NINL: variants seen among roughly 807,000 people sequenced by gnomAD.
NINL encodes the protein ninein-like protein.
In NINL, 153 loss-of-function variants were observed where a neutral mutation model predicts 160.3. That is an observed-to-expected ratio of 0.95 (90% CI 0.84 to 1.09). The LOEUF is 1.09. Among genes scored for constraint, NINL ranks in the 50% least tolerant of loss-of-function variants. The pLI is 0.00. For missense variants in NINL, 1,829 were observed against 1,764.0 expected (o/e 1.04, Z -0.66); for synonymous variants, 800 against 734.8 (o/e 1.09, Z -1.43).
At chr20:25,519,874 T>C (rs1469519751) in intron 2 of NINL, among the ~76,000 whole-genome samples, 2 of 150,990 alleles carry the variant, frequency 1.3e-5, no homozygotes, top group Non-Finnish European at 2.9e-5. Flanking sequence ...CATGGCGGCA[T>C]GTGCCTGTAG....
At chr20:25,512,548 A>G (rs1402945202) in intron 4 of NINL, among the ~76,000 whole-genome samples, 1 of 152,104 alleles carries the variant, frequency 6.6e-6, no homozygotes, top group Admixed American at 6.5e-5. Context: ...CACGATTGTG[A>G]GTTTCCTGAG....
intron 16 of NINL, among the ~76,000 whole-genome samples, chr20:25,478,413 A>G (rs2146541080): frequency 6.6e-6 from 1 of 152,322 alleles, no homozygotes; most frequent in Middle Eastern, 3.4e-3. Flanking sequence ...AGATGCCCCC[A>G]ACAAGAACAG....
chr20:25,456,471 C>T (rs1875138539), intron 22 of NINL, among the ~76,000 whole-genome samples: 1 of 151,632 alleles, frequency 6.6e-6, no homozygotes, highest in Admixed American at 6.6e-5. Flanking sequence ...TTGCTTGAAC[C>T]CAGGAGGCGG....
intron 18 of NINL, among the ~76,000 whole-genome samples, chr20:25,468,066 A>G (rs1444723793): frequency 6.6e-6 from 1 of 152,126 alleles, no homozygotes. Flanking sequence ...CTTGAGATGC[A>G]TAATTGGGAA....
chr20:25,489,184 T>A, intron 13 of NINL, 60 bp downstream of exon 13: 10 of 1,478,714 alleles, frequency 6.8e-6, no homozygotes, highest in Non-Finnish European at 8.5e-6. Context: ...GTGGACCACC[T>A]GCGTGTGGAG....
chr20:25,472,323 G>GTATATA lies in NINL; in HGVS notation c.3249-2229_3249-2228insTATATA, dbSNP rs1568859320. Among the ~76,000 whole-genome samples the GTATATA allele has an allele frequency of 3.8e-4, 21 of 54,628 alleles. 1 individual carries two copies. The highest frequency in any genetic ancestry group is 0.019 in the Middle Eastern group (2 of 108). The allele number at this position is 54,628 out of a possible 152,430, so 35.8% of individuals were successfully genotyped here. A position where few individuals can be genotyped will look rare whatever the true frequency, so the allele number is the denominator to read the frequency against. The stretch of plus-strand genomic sequence containing the variant: ...AATTGAAGAAAATAGTGGGAGGAGA[G>GTATATA]GATATATATATATATATATATATAT... On this transcript the variant is annotated intron_variant, in intron 17 of 23. Transcript: ENST00000278886.
chr20:25,546,788 C>T (rs932840160), intron 1 of NINL, among the ~76,000 whole-genome samples: 2 of 151,924 alleles, frequency 1.3e-5, no homozygotes, highest in African/African-American at 4.8e-5. Context: ...GAGGACTTTT[C>T]GCTTGTCAGA....
chr20:25,467,805 A>G (rs560973997), intron 18 of NINL, among the ~76,000 whole-genome samples: 7 of 152,256 alleles, frequency 4.6e-5, no homozygotes, highest in African/African-American at 1.2e-4. Context: ...TGTAAAACAC[A>G]TAACACTTCA....
Position 25,562,145 on chromosome 20 carries a change from G to C in NINL, c.-12+23310C>G, listed in dbSNP as rs1405784049. On this transcript the variant is annotated intron_variant, in intron 1 of 23. Transcript: ENST00000278886. Reference sequence around the variant, plus strand: ...GGTGGGGGTGTCAGCCCCCCGCCAGGCGAGACGCCCCGTCCGGGAGGGAGG... The same window carrying C: ...GGTGGGGGTGTCAGCCCCCCGCCAGCCGAGACGCCCCGTCCGGGAGGGAGG... Among the ~76,000 whole-genome samples, 40 of 146,366 alleles carry C rather than the reference G, an allele frequency of 2.7e-4. 1 individual carries two copies. In the South Asian group the frequency reaches 8.0e-3, roughly 29 times the overall value.
chr20:25,527,672 A>T (rs2064383955), intron 1 of NINL, among the ~76,000 whole-genome samples: 1 of 152,190 alleles, frequency 6.6e-6, no homozygotes, highest in South Asian at 2.1e-4. Flanking sequence ...AAAAATGCTC[A>T]AATTAAAACC....
rs1410874915 is a variant in NINL, at chr20:25,496,552, C to CA, written c.1310+110dup. 5 of 1,333,332 alleles carry CA rather than the reference C, an allele frequency of 3.8e-6. No individual in the cohort carries two copies. The Admixed American group carries it at 1.0e-4, about 28-fold the overall frequency. The allele number at this position is 1,333,332 out of a possible 1,614,324, so 82.6% of individuals were successfully genotyped here. Reference sequence around the variant, plus strand: ...GACTCAGGTGAAATAGGGGGGTCTCCACTGAGCCACACCCGCAGCTCTGGC... The same window carrying CA: ...GACTCAGGTGAAATAGGGGGGTCTCCAACTGAGCCACACCCGCAGCTCTGGC... On this transcript the variant is annotated intron_variant, in intron 10 of 23. Transcript: ENST00000278886.
At chr20:25,526,642 C>T (rs564950786) in intron 1 of NINL, 44 bp from the exon 2 acceptor site, 233 of 1,565,942 alleles carry the variant, frequency 1.5e-4, no homozygotes, top group Non-Finnish European at 2.0e-4. Context: ...GACACTTTCC[C>T]ACCTCCCCTC....
In NINL at chr20:25,556,035, C is replaced by A. The variant is rs746390086; in HGVS notation, c.-12+29420G>T. Among the ~76,000 whole-genome samples the A allele has an allele frequency of 2.0e-5, 3 of 151,452 alleles. No homozygotes were observed. In the East Asian group the frequency reaches 5.9e-4, roughly 30 times the overall value. On this transcript the variant is annotated intron_variant, in intron 1 of 23. Transcript: ENST00000278886. ...GTGCCTCATGCCTATAATCCCAACA[C>A]TTTGGGAGGCCAAGGCAGGAGGATT...
At chr20:25,484,408 C>T (rs935471440) in intron 13 of NINL, among the ~76,000 whole-genome samples, 1 of 152,182 alleles carries the variant, frequency 6.6e-6, no homozygotes, top group Non-Finnish European at 1.5e-5. Flanking sequence ...AGGAAAGGAA[C>T]CAAGACTCCT....
intron 3 of NINL, among the ~76,000 whole-genome samples, chr20:25,516,316 T>C (rs1364715052): frequency 6.6e-6 from 1 of 152,160 alleles, no homozygotes; most frequent in African/African-American, 2.4e-5. Context: ...ACAGAAGTGT[T>C]GATAAGGAAT....
intron 7 of NINL, among the ~76,000 whole-genome samples, chr20:25,502,684 C>T (rs563525047): frequency 1.5e-4 from 23 of 152,096 alleles, no homozygotes; most frequent in Non-Finnish European, 2.5e-4. Context: ...TAGTACTGAC[C>T]TCATGATAGT....
chr20:25,484,501 C>T (rs114290455), intron 13 of NINL, among the ~76,000 whole-genome samples: 130 of 152,358 alleles, frequency 8.5e-4, no homozygotes, highest in African/African-American at 3.0e-3. Context: ...AACAAGGCAG[C>T]AGCCAACACT....
intron 10 of NINL, among the ~76,000 whole-genome samples, chr20:25,493,744 G>C (rs752950783): frequency 5.9e-5 from 9 of 152,074 alleles, no homozygotes; most frequent in Non-Finnish European, 1.2e-4. Flanking sequence ...AGACCACAGA[G>C]ACCCTCCCTG....
At chr20:25,511,675 C>T (rs373826350) in intron 4 of NINL, among the ~76,000 whole-genome samples, 3 of 152,150 alleles carry the variant, frequency 2.0e-5, no homozygotes, top group East Asian at 3.8e-4. Flanking sequence ...TGAAGATCCA[C>T]CACAAGGAGG....
Sources: allele counts gnomAD v4.1 joint callset (sites outside exome capture counted in the v4.1 genomes callset), GRCh38; gene constraint gnomAD v4.1.1; transcripts MANE v1.5; gene names NCBI Gene and HGNC (gene_info 2026-07-23, HGNC 2026-07-21).